The following ASTN2 variants were observed in gnomAD, a reference collection of about 807,000 sequenced individuals.
ASTN2 encodes the protein astrotactin-2.
ASTN2 carries 54 observed loss-of-function variants against 139.8 expected under a neutral mutation model. The observed-to-expected ratio is 0.39, with a 90% CI of 0.31 to 0.48. The LOEUF (loss-of-function observed/expected upper bound fraction) is 0.48. Ranked by LOEUF, ASTN2 falls within the 20% of genes least tolerant of loss-of-function variation. The probability of loss-of-function intolerance (pLI) is 0.95; values close to 1 mark genes in which losing one functional copy is unlikely to be tolerated. For synonymous variants in ASTN2, 756 were observed against 719.5 expected (o/e 1.05, Z -0.81); for missense variants, 1,565 against 1,725.1 (o/e 0.91, Z 1.64).
intron 3 of ASTN2, among the ~76,000 whole-genome samples, chr9:117,172,617 C>T (rs1381695138): frequency 6.6e-6 from 1 of 152,136 alleles, no homozygotes; most frequent in African/African-American, 2.4e-5. Context: ...TCAGCTGTGG[C>T]TCAGAGAGGT....
intron 1 of ASTN2, among the ~76,000 whole-genome samples, chr9:117,311,601 T>C (rs1827978723): frequency 6.6e-6 from 1 of 152,144 alleles, no homozygotes; most frequent in South Asian, 2.1e-4. Flanking sequence ...TCACTCAGTA[T>C]GTAAGATCAA....
At chr9:116,881,657 C>T (rs1833452315) in intron 10 of ASTN2, among the ~76,000 whole-genome samples, 1 of 152,196 alleles carries the variant, frequency 6.6e-6, no homozygotes, top group African/African-American at 2.4e-5. Flanking sequence ...TGGCCACTGC[C>T]TTTGCATGGT....
chr9:117,180,903 T>C, intron 3 of ASTN2: 5 of 1,591,026 alleles, frequency 3.1e-6, no homozygotes, highest in Non-Finnish European at 4.3e-6. Flanking sequence ...GGGCCTCAAT[T>C]ACATGCTCCT....
chr9:116,514,615 G>GAGGC (rs891610091), intron 19 of ASTN2, among the ~76,000 whole-genome samples: 7 of 152,160 alleles, frequency 4.6e-5, no homozygotes, highest in Non-Finnish European at 7.3e-5. Context: ...GGAGTCTACA[G>GAGGC]AGGCAGGCAG....
At chr9:117,047,240 C>T (rs1838773903) in intron 5 of ASTN2, among the ~76,000 whole-genome samples, 1 of 152,156 alleles carries the variant, frequency 6.6e-6, no homozygotes, top group African/African-American at 2.4e-5. Flanking sequence ...TATATGGCCC[C>T]ATATCCTCAG....
chr9:117,244,857 C>T (rs983819499), intron 2 of ASTN2, among the ~76,000 whole-genome samples: 1 of 151,972 alleles, frequency 6.6e-6, no homozygotes, highest in African/African-American at 2.4e-5. Context: ...TGTGAAGCTG[C>T]TATACCATTC....
intron 4 of ASTN2, among the ~76,000 whole-genome samples, chr9:117,128,947 G>C (rs1156336261): frequency 6.6e-6 from 1 of 152,182 alleles, no homozygotes; most frequent in Non-Finnish European, 1.5e-5. Context: ...CATGAGAACA[G>C]TATGGGGGAA....
chr9:117,163,198 C>T (rs535670704), intron 3 of ASTN2, among the ~76,000 whole-genome samples: 11 of 152,180 alleles, frequency 7.2e-5, no homozygotes, highest in South Asian at 2.1e-4. Context: ...CCCAAGACAG[C>T]TACAACTCCA....
chr9:117,174,360 G>A (rs1321262537), intron 3 of ASTN2, among the ~76,000 whole-genome samples: 1 of 151,844 alleles, frequency 6.6e-6, no homozygotes, highest in Admixed American at 6.6e-5. Flanking sequence ...CTAAAACAGA[G>A]TTAAGAAGAA....
At chr9:116,464,414 C>T (rs1362558167) in intron 20 of ASTN2, among the ~76,000 whole-genome samples, 5 of 136,382 alleles carry the variant, frequency 3.7e-5, no homozygotes, top group African/African-American at 1.3e-4. Context: ...GGACTCACTT[C>T]CATCAATGGT....
At position 116,731,224 on chromosome 9, in the gene ASTN2, T is replaced by TAAA. The variant is rs1554739150; in HGVS notation, c.2522-2131_2522-2129dup. 1.9e-3 allele frequency among the ~76,000 whole-genome samples: 268 copies of TAAA among 137,524 alleles called. 1 individual carries two copies. The highest frequency in any genetic ancestry group is 0.019 in the Middle Eastern group (5 of 266). 90.2% of individuals were successfully genotyped at this position (137,524 alleles called of 152,430 possible). On this transcript the variant is annotated intron_variant, in intron 14 of 22. Transcript: ENST00000313400. ...ATAATAATAATAATAATAATAATAATAAATCTTTTGAAATGCAACAGTTCC... is the reference window on the plus strand; with the variant it reads ...ATAATAATAATAATAATAATAATAATAAAAAATCTTTTGAAATGCAACAGTTCC...
chr9:116,964,256 TGCGCGCGCGCGC>T (rs1289773313), intron 10 of ASTN2, among the ~76,000 whole-genome samples: 3 of 98,868 alleles, frequency 3.0e-5, no homozygotes, highest in Non-Finnish European at 4.7e-5. Flanking sequence ...TGTGTGTGTG[TGCGCGCGCGCGC>T]GTGTGTGTTG....
intron 1 of ASTN2, among the ~76,000 whole-genome samples, chr9:117,372,877 G>A (rs1830025168): frequency 6.6e-6 from 1 of 152,034 alleles, no homozygotes; most frequent in Non-Finnish European, 1.5e-5. Flanking sequence ...GAACAAAGAG[G>A]AACAAAATAA....
At chr9:116,679,208 G>A (rs117655319) in intron 16 of ASTN2, among the ~76,000 whole-genome samples, 4,905 of 152,128 alleles carry the variant, frequency 0.032, 115 homozygotes, top group Non-Finnish European at 0.043. Context: ...GGTAACCTGG[G>A]ATTCTATTTT....
chr9:117,007,437 G>A (rs1447649002), intron 7 of ASTN2, among the ~76,000 whole-genome samples: 2 of 152,218 alleles, frequency 1.3e-5, no homozygotes, highest in African/African-American at 2.4e-5. Flanking sequence ...AATCTGGGTG[G>A]TATGACTGGG....
intron 13 of ASTN2, among the ~76,000 whole-genome samples, chr9:116,797,173 C>A (rs1419820571): frequency 6.6e-6 from 1 of 152,068 alleles, no homozygotes; most frequent in Non-Finnish European, 1.5e-5. Context: ...CTATCTATGG[C>A]CTTGACGGTG....
chr9:116,790,525 C>CA (rs941606682), intron 13 of ASTN2, among the ~76,000 whole-genome samples: 2 of 152,122 alleles, frequency 1.3e-5, no homozygotes, highest in African/African-American at 4.8e-5. Flanking sequence ...AACACTCCCT[C>CA]ACATGCTAAC....
chr9:116,558,562 T>C (rs1166662231), intron 19 of ASTN2, among the ~76,000 whole-genome samples: 1 of 152,142 alleles, frequency 6.6e-6, no homozygotes. Flanking sequence ...TTGGCATTGC[T>C]TTGGCCCAGG....
chr9:117,291,629 C>T (rs535260005), intron 1 of ASTN2, 116 bp from the exon 2 acceptor site: 7 of 805,564 alleles, frequency 8.7e-6, no homozygotes, highest in East Asian at 5.4e-5. Context: ...TGCCAGGATA[C>T]CTTTCCTCAC....
Sources: gnomAD v4.1 joint callset for allele counts (sites outside exome capture counted in the v4.1 genomes callset) on GRCh38, gnomAD v4.1.1 for gene constraint, MANE v1.5 for transcripts, NCBI Gene and HGNC (gene_info 2026-07-23, HGNC 2026-07-21) for gene names.